Variants in AFG2A observed in about 807,000 individuals in gnomAD.
AFG2A encodes the protein ATPase family gene 2 protein homolog A.
At chr4:123,261,612 A>G in the AFG2A span, among the ~76,000 whole-genome samples, 60 of 152,152 alleles carry the variant, frequency 3.9e-4, no homozygotes, top group Non-Finnish European at 7.8e-4. Flanking sequence ...CCTGGAACCA[A>G]TTGCCCTTGG....
chr4:123,070,965 T>C, the AFG2A span, among the ~76,000 whole-genome samples: 1 of 152,258 alleles, frequency 6.6e-6, no homozygotes, highest in African/African-American at 2.4e-5. Flanking sequence ...AGATCTGTGA[T>C]ATTAGGAAAA....
the AFG2A span, among the ~76,000 whole-genome samples, chr4:123,294,779 T>C: frequency 8.5e-5 from 13 of 152,254 alleles, no homozygotes; most frequent in African/African-American, 9.6e-5. Flanking sequence ...TTAAAAGACA[T>C]GAGAGTAAAT....
chr4:122,997,935 A>G, the AFG2A span, among the ~76,000 whole-genome samples: 9 of 152,146 alleles, frequency 5.9e-5, no homozygotes, highest in East Asian at 3.9e-4. Flanking sequence ...GACCATTTCT[A>G]TTGCATCTGC....
the AFG2A span, among the ~76,000 whole-genome samples, chr4:123,137,580 ATTATT>A: frequency 1.6e-3 from 251 of 152,242 alleles, 1 homozygote; most frequent in Middle Eastern, 0.014. Context: ...ACATGTATGT[ATTATT>A]TTATTACAGT....
the AFG2A span, among the ~76,000 whole-genome samples, chr4:123,050,301 G>T: frequency 2.8e-4 from 42 of 152,248 alleles, no homozygotes; most frequent in Non-Finnish European, 4.7e-4. Flanking sequence ...GAAATGTTCC[G>T]TAAATGTCTG....
the AFG2A span, among the ~76,000 whole-genome samples, chr4:123,212,671 ATAGTTCCAAGAGATCATCTGTAT>A: frequency 6.6e-6 from 1 of 152,156 alleles, no homozygotes; most frequent in East Asian, 1.9e-4. Context: ...GTATAGATAG[ATAGTTCCAAGAGATCATCTGTAT>A]TACAGGGATC....
At chr4:122,951,878 G>A in the AFG2A span, among the ~76,000 whole-genome samples, 38 of 152,152 alleles carry the variant, frequency 2.5e-4, no homozygotes, top group Non-Finnish European at 4.7e-4. Flanking sequence ...ATCTGTGGAG[G>A]CTCAGCAGCC....
the AFG2A span, among the ~76,000 whole-genome samples, chr4:123,027,918 C>A: frequency 6.6e-6 from 1 of 151,476 alleles, no homozygotes; most frequent in Non-Finnish European, 1.5e-5. Context: ...TTAGATTTTA[C>A]GATATGCTCA....
chr4:123,158,979 G>A, the AFG2A span, among the ~76,000 whole-genome samples: 1 of 152,136 alleles, frequency 6.6e-6, no homozygotes, highest in Non-Finnish European at 1.5e-5. Context: ...TGGTAAAAGA[G>A]ACTGCAGAAA....
the AFG2A span, among the ~76,000 whole-genome samples, chr4:123,280,810 T>C: frequency 6.6e-6 from 1 of 152,202 alleles, no homozygotes; most frequent in African/African-American, 2.4e-5. Context: ...TCCCTTGACA[T>C]GTAACATAAC....
At chr4:123,028,199 A>G in the AFG2A span, 110 of 1,613,950 alleles carry the variant, frequency 6.8e-5, no homozygotes, top group Non-Finnish European at 9.3e-5. Flanking sequence ...TCCTGGTCAG[A>G]TATAGGAGGA....
the AFG2A span, among the ~76,000 whole-genome samples, chr4:123,217,820 C>G: frequency 6.6e-6 from 1 of 152,102 alleles, no homozygotes; most frequent in Non-Finnish European, 1.5e-5. Flanking sequence ...CCTCTCTTTA[C>G]TTTTCCATTT....
At chr4:122,984,646 A>G in the AFG2A span, among the ~76,000 whole-genome samples, 1 of 152,160 alleles carries the variant, frequency 6.6e-6, no homozygotes, top group African/African-American at 2.4e-5. Context: ...TTTTGCTGAC[A>G]GTTTTAATCA....
the AFG2A span, among the ~76,000 whole-genome samples, chr4:123,038,253 CAG>C: frequency 1.3e-5 from 2 of 152,008 alleles, no homozygotes; most frequent in Non-Finnish European, 2.9e-5. Flanking sequence ...ATTGTAGTAA[CAG>C]TGTACAACTC....
At chr4:123,056,303 G>A in the AFG2A span, 1 of 1,285,678 alleles carries the variant, frequency 7.8e-7, no homozygotes. Context: ...TTTCTCTTTT[G>A]TGTATATTTT....
the AFG2A span, among the ~76,000 whole-genome samples, chr4:122,945,994 C>T: frequency 6.6e-6 from 1 of 151,222 alleles, no homozygotes; most frequent in Non-Finnish European, 1.5e-5. Context: ...TTTCATGTCC[C>T]AGGTTGATTC....
At chr4:122,961,761 TC>T in the AFG2A span, among the ~76,000 whole-genome samples, 11 of 152,228 alleles carry the variant, frequency 7.2e-5, no homozygotes, top group Non-Finnish European at 1.2e-4. Flanking sequence ...CACTTCAGCC[TC>T]CCAAAGTGCT....
At chr4:123,102,063 C>A in the AFG2A span, 1 of 151,816 alleles carries the variant, frequency 6.6e-6, no homozygotes, top group Non-Finnish European at 1.5e-5. Flanking sequence ...CTACAATTAT[C>A]TTCTTTTGTG....
the AFG2A span, among the ~76,000 whole-genome samples, chr4:123,074,481 A>G: frequency 2.4e-5 from 3 of 126,454 alleles, no homozygotes; most frequent in Non-Finnish European, 3.3e-5. Flanking sequence ...ATTCATTTGG[A>G]TGCTTTCTAG....
Sources: allele counts gnomAD v4.1 joint callset (sites outside exome capture counted in the v4.1 genomes callset), GRCh38; gene constraint gnomAD v4.1.1; transcripts MANE v1.5; gene names NCBI Gene and HGNC (gene_info 2026-07-23, HGNC 2026-07-21).